SRGAP1: variants seen among roughly 807,000 people sequenced by gnomAD.
The protein encoded by SRGAP1 is SLIT-ROBO Rho GTPase-activating protein 1.
Under a neutral mutation model 121.9 loss-of-function variants are expected in SRGAP1, and 43 were observed. The observed-to-expected ratio is 0.35, with a 90% CI of 0.28 to 0.46. SRGAP1 has a LOEUF of 0.46. Among genes scored for constraint, SRGAP1 ranks in the 20% least tolerant of loss-of-function variants. SRGAP1 has a pLI of 1.00. For missense variants in SRGAP1, 1,102 were observed against 1,350.9 expected (o/e 0.82, Z 2.89); for synonymous variants, 447 against 485.4 (o/e 0.92, Z 1.04).
chr12:64,104,517 A>G (rs1414652319), intron 15 of SRGAP1, among the ~76,000 whole-genome samples: 4 of 152,328 alleles, frequency 2.6e-5, no homozygotes, highest in South Asian at 2.1e-4. Context: ...CTAGGAACAC[A>G]CATTCATCAG....
At chr12:63,915,872 C>G (rs796807872) in intron 1 of SRGAP1, among the ~76,000 whole-genome samples, 1 of 152,032 alleles carries the variant, frequency 6.6e-6, no homozygotes, top group South Asian at 2.1e-4. Context: ...AAAAGCTATT[C>G]AGAAACTTGG....
At chr12:63,922,799 A>G (rs2031112622) in intron 1 of SRGAP1, among the ~76,000 whole-genome samples, 1 of 152,210 alleles carries the variant, frequency 6.6e-6, no homozygotes, top group Non-Finnish European at 1.5e-5. Flanking sequence ...TTTTTCGTAT[A>G]TTCATTTGTA....
At chr12:63,882,469 G>C (rs1214673548) in intron 1 of SRGAP1, among the ~76,000 whole-genome samples, 1 of 152,102 alleles carries the variant, frequency 6.6e-6, no homozygotes, top group Non-Finnish European at 1.5e-5. Context: ...TTTTAGTAGA[G>C]ACGGGGGTTT....
chr12:63,941,266 G>A (rs1158368194), intron 1 of SRGAP1, among the ~76,000 whole-genome samples: 1 of 151,618 alleles, frequency 6.6e-6, no homozygotes, highest in Non-Finnish European at 1.5e-5. Flanking sequence ...GTAATCCCTT[G>A]TCCTTCTGTT....
At chr12:63,929,485 C>T (rs1015204182) in intron 1 of SRGAP1, among the ~76,000 whole-genome samples, 10 of 152,098 alleles carry the variant, frequency 6.6e-5, no homozygotes, top group African/African-American at 2.4e-4. Flanking sequence ...TTTTATAAAA[C>T]AACGATACCT....
intron 21 of SRGAP1, 113 bp from the exon 22 acceptor site, chr12:64,142,180 CAA>C: frequency 9.5e-7 from 1 of 1,051,754 alleles, no homozygotes; most frequent in African/African-American, 1.6e-5. Flanking sequence ...ACTATGGAGT[CAA>C]AGATATCCAT....
At chr12:63,984,707 A>C (rs1445558554) in intron 2 of SRGAP1, among the ~76,000 whole-genome samples, 2 of 152,200 alleles carry the variant, frequency 1.3e-5, no homozygotes, top group Non-Finnish European at 2.9e-5. Context: ...AATGAAAGTT[A>C]ATGTATGATT....
At chr12:63,987,728 A>C (rs1335534059) in intron 2 of SRGAP1, among the ~76,000 whole-genome samples, 1 of 152,206 alleles carries the variant, frequency 6.6e-6, no homozygotes, top group Non-Finnish European at 1.5e-5. Context: ...ATCTAAAAAA[A>C]TAAAAATAAA....
intron 15 of SRGAP1, among the ~76,000 whole-genome samples, chr12:64,103,783 CTATG>C (rs1357632168): frequency 1.3e-5 from 2 of 152,278 alleles, no homozygotes; most frequent in African/African-American, 4.8e-5. Context: ...TAGGAAACAT[CTATG>C]TATGTATTTC....
At chr12:64,094,852 C>A in intron 12 of SRGAP1, 80 bp from the exon 13 acceptor site, 1 of 1,318,662 alleles carries the variant, frequency 7.6e-7, no homozygotes, top group Non-Finnish European at 1.1e-6. Flanking sequence ...TCTTTAATTA[C>A]TGTTAAACTC....
chr12:64,036,662 T>G (rs562397255), intron 4 of SRGAP1, among the ~76,000 whole-genome samples: 23 of 152,320 alleles, frequency 1.5e-4, no homozygotes, highest in African/African-American at 5.5e-4. Flanking sequence ...ACAAATGACT[T>G]AGAACTATTT....
chr12:63,924,796 G>A (rs1307209573), intron 1 of SRGAP1, among the ~76,000 whole-genome samples: 1 of 152,220 alleles, frequency 6.6e-6, no homozygotes, highest in Non-Finnish European at 1.5e-5. Flanking sequence ...GTGAGGATGT[G>A]AAATAAAATG....
intron 1 of SRGAP1, among the ~76,000 whole-genome samples, chr12:63,864,780 A>C (rs929121732): frequency 2.0e-5 from 3 of 152,202 alleles, no homozygotes; most frequent in African/African-American, 7.2e-5. Flanking sequence ...TATAGATAGG[A>C]TCCTGCGACA....
chr12:63,898,347 T>C (rs906186001), intron 1 of SRGAP1, among the ~76,000 whole-genome samples: 2 of 152,352 alleles, frequency 1.3e-5, no homozygotes, highest in East Asian at 3.9e-4. Context: ...TTCTAAGTTA[T>C]AAGAGAATTA....
intron 4 of SRGAP1, among the ~76,000 whole-genome samples, chr12:64,031,701 T>C (rs1018188847): frequency 1.3e-5 from 2 of 152,194 alleles, no homozygotes; most frequent in African/African-American, 4.8e-5. Context: ...TAAAATTCTC[T>C]TGAAAGGAAG....
At chr12:63,850,718 C>T (rs73313482) in intron 1 of SRGAP1, among the ~76,000 whole-genome samples, 8,155 of 151,958 alleles carry the variant, frequency 0.054, 505 homozygotes, top group East Asian at 0.17. Flanking sequence ...CCACCATGCC[C>T]GGCCAAGGAG....
intron 8 of SRGAP1, among the ~76,000 whole-genome samples, chr12:64,065,522 C>A (rs2035522314): frequency 6.6e-6 from 1 of 152,018 alleles, no homozygotes; most frequent in Non-Finnish European, 1.5e-5. Flanking sequence ...CATATATATC[C>A]AAAAATATAC....
At chr12:64,004,527 C>T (rs1312884688) in intron 3 of SRGAP1, among the ~76,000 whole-genome samples, 4 of 152,184 alleles carry the variant, frequency 2.6e-5, no homozygotes, top group East Asian at 3.9e-4. Context: ...CCCGCCACCA[C>T]GCCCAGCTAA....
intron 6 of SRGAP1, among the ~76,000 whole-genome samples, chr12:64,054,387 G>C (rs563230282): frequency 6.6e-6 from 1 of 152,076 alleles, no homozygotes; most frequent in East Asian, 1.9e-4. Flanking sequence ...AATCAGCTAC[G>C]TTAAAGCTTT....
Sources: allele counts gnomAD v4.1 joint callset (sites outside exome capture counted in the v4.1 genomes callset), GRCh38; gene constraint gnomAD v4.1.1; transcripts MANE v1.5; gene names NCBI Gene and HGNC (gene_info 2026-07-23, HGNC 2026-07-21).